Variants in TPRG1 observed in about 807,000 individuals in gnomAD.
TPRG1 encodes tumor protein p63 regulated 1.
A neutral mutation model predicts 29.3 loss-of-function variants in TPRG1; 29 were observed. That is an observed-to-expected ratio of 0.99 (90% CI 0.74 to 1.35). The LOEUF is 1.35. Among genes scored for constraint, TPRG1 ranks in the 40% most tolerant of loss-of-function variants. The pLI, the probability that TPRG1 is intolerant of heterozygous loss-of-function variation, is 0.00. For synonymous variants in TPRG1, 130 were observed against 116.8 expected, an observed-to-expected ratio of 1.11 and a Z score of -0.73; for missense variants, 327 against 335.0, an observed-to-expected ratio of 0.98 and a Z score of 0.19.
In TPRG1 at chr3:189,323,051, A is replaced by G. The variant is rs1724451718; in HGVS notation, c.*2231A>G. On this transcript the variant is annotated 3_prime_UTR_variant, in exon 6 of 6. Coordinates refer to ENST00000345063, the MANE Select transcript of TPRG1 (RefSeq NM_198485.4). ...AGGGTGAGAAGATTTAGGAATTTGGATAGCAGTTCAAGATAAGAAAGAACT... is the reference window on the plus strand; with the variant it reads ...AGGGTGAGAAGATTTAGGAATTTGGGTAGCAGTTCAAGATAAGAAAGAACT... 6.6e-6 allele frequency: 1 copy of G among 152,108 alleles called. No individual in the cohort carries two copies. The highest frequency in any genetic ancestry group is 1.5e-5 in the Non-Finnish European group (1 of 68,010). The allele number at this position is 152,108 out of a possible 1,614,324, so 9.4% of individuals were successfully genotyped here.
At chr3:189,163,916 A>T (rs1383432439) in intron 5 of TPRG1, among the ~76,000 whole-genome samples, 1 of 152,114 alleles carries the variant, frequency 6.6e-6, no homozygotes, top group Non-Finnish European at 1.5e-5. Context: ...ATTGGATAAG[A>T]TGATACCTTT....
At chr3:189,229,777 G>T (rs1230942841) in intron 3 of TPRG1, among the ~76,000 whole-genome samples, 1 of 152,134 alleles carries the variant, frequency 6.6e-6, no homozygotes, top group East Asian at 1.9e-4. Context: ...CCTGCTCTTA[G>T]ATTTCTGTGG....
chr3:189,134,700 A>T (rs911924953), intron 3 of TPRG1, among the ~76,000 whole-genome samples: 2 of 152,130 alleles, frequency 1.3e-5, no homozygotes, highest in Non-Finnish European at 2.9e-5. Flanking sequence ...TATAGGCATG[A>T]GCCACTGCAT....
intron 5 of TPRG1, chr3:189,151,000 G>A (rs1204750901): frequency 6.6e-6 from 1 of 152,118 alleles, no homozygotes; most frequent in African/African-American, 2.4e-5. Flanking sequence ...ATTGACCCCC[G>A]AGGATCTTCC....
chr3:189,239,000 T>G, intron 4 of TPRG1, 91 bp downstream of exon 4: 2 of 1,156,310 alleles, frequency 1.7e-6, no homozygotes, highest in Non-Finnish European at 2.4e-6. Flanking sequence ...CCCTGTAAAC[T>G]GGGAGAACCC....
chr3:189,233,624 T>A (rs1311214344), intron 3 of TPRG1, among the ~76,000 whole-genome samples: 1 of 152,164 alleles, frequency 6.6e-6, no homozygotes. Flanking sequence ...ACAGAGGGAA[T>A]GGATCTCATG....
intron 3 of TPRG1, among the ~76,000 whole-genome samples, chr3:189,226,266 A>C (rs556713296): frequency 2.0e-5 from 3 of 152,352 alleles, no homozygotes; most frequent in Admixed American, 1.3e-4. Context: ...AAGAGCTACC[A>C]TATCCTTAGC....
At chr3:189,035,007 T>G in intron 4 of TPRG1, among the ~76,000 whole-genome samples, 1 of 152,124 alleles carries the variant, frequency 6.6e-6, no homozygotes, top group South Asian at 2.1e-4. Context: ...AGGACAAAGC[T>G]GGAGGTATCA....
intron 4 of TPRG1, among the ~76,000 whole-genome samples, chr3:189,068,850 A>G (rs904415580): frequency 6.6e-6 from 1 of 152,178 alleles, no homozygotes; most frequent in Non-Finnish European, 1.5e-5. Context: ...ATCATTTGCA[A>G]CAACGTGGAG....
intron 5 of TPRG1, among the ~76,000 whole-genome samples, chr3:189,311,293 C>T (rs565823646): frequency 6.6e-6 from 1 of 152,266 alleles, no homozygotes; most frequent in African/African-American, 2.4e-5. Context: ...CCTAGAAATT[C>T]TTACCTTCTC....
intron 1 of TPRG1, among the ~76,000 whole-genome samples, chr3:189,188,215 G>A (rs960011016): frequency 1.3e-5 from 2 of 152,184 alleles, no homozygotes; most frequent in African/African-American, 4.8e-5. Context: ...AAATTCATTC[G>A]AGAGTTAACA....
At chr3:189,250,532 T>C (rs1168580324) in intron 4 of TPRG1, among the ~76,000 whole-genome samples, 2 of 90,890 alleles carry the variant, frequency 2.2e-5, no homozygotes, top group Admixed American at 3.5e-4. Context: ...AGATTAAAGC[T>C]TTTGTTAACA....
chr3:189,226,711 C>A (rs1265665494), intron 3 of TPRG1, among the ~76,000 whole-genome samples: 7 of 137,340 alleles, frequency 5.1e-5, no homozygotes, highest in Admixed American at 2.2e-4. Context: ...ACAAAAAAAA[C>A]CGAAAGAACT....
chr3:189,275,895 A>T (rs1475949793), intron 4 of TPRG1, among the ~76,000 whole-genome samples: 3 of 152,176 alleles, frequency 2.0e-5, no homozygotes, highest in African/African-American at 7.2e-5. Flanking sequence ...AGACAATCTC[A>T]TACCTCAAAG....
intron 1 of TPRG1, among the ~76,000 whole-genome samples, chr3:188,999,515 C>A (rs868269831): frequency 3.3e-5 from 5 of 152,096 alleles, no homozygotes; most frequent in African/African-American, 1.2e-4. Context: ...TGCTTAACTG[C>A]GTAATTCCAT....
chr3:189,219,670 C>T (rs1468857920), intron 3 of TPRG1: 2 of 1,282,806 alleles, frequency 1.6e-6, no homozygotes, highest in Admixed American at 2.4e-5. Context: ...GCAGAATGTA[C>T]TTGAGGTGTC....
At chr3:189,258,986 T>G (rs769925360) in intron 4 of TPRG1, among the ~76,000 whole-genome samples, 3 of 152,160 alleles carry the variant, frequency 2.0e-5, no homozygotes, top group African/African-American at 7.2e-5. Context: ...CTCCCTGGCT[T>G]CAGCCCTCTT....
At chr3:189,199,926 G>A (rs1235694854) in intron 1 of TPRG1, among the ~76,000 whole-genome samples, 1 of 152,054 alleles carries the variant, frequency 6.6e-6, no homozygotes, top group Non-Finnish European at 1.5e-5. Flanking sequence ...ACAATGAATA[G>A]TATCCAGGAG....
intron 1 of TPRG1, among the ~76,000 whole-genome samples, chr3:189,198,101 C>T (rs1042626060): frequency 6.6e-6 from 1 of 152,188 alleles, no homozygotes; most frequent in African/African-American, 2.4e-5. Context: ...CCAACTGTAA[C>T]CAGATCTTCA....
Sources: allele counts gnomAD v4.1 joint callset (sites outside exome capture counted in the v4.1 genomes callset), GRCh38; gene constraint gnomAD v4.1.1; transcripts MANE v1.5; gene names NCBI Gene and HGNC (gene_info 2026-07-23, HGNC 2026-07-21).